Variants in DYNC1I1 observed in about 807,000 individuals in gnomAD.
The protein encoded by DYNC1I1 is dynein cytoplasmic 1 intermediate chain 1, also known as cytoplasmic dynein 1 intermediate chain 1.
A neutral mutation model predicts 86.6 loss-of-function variants in DYNC1I1; 43 were observed. The ratio of observed to expected loss-of-function variants is 0.50; its 90% CI spans 0.39 to 0.64. The LOEUF (loss-of-function observed/expected upper bound fraction) is 0.64, where lower values mean the gene tolerates loss of function less well. Among genes scored for constraint, DYNC1I1 ranks in the 30% least tolerant of loss-of-function variants. The pLI, the probability that DYNC1I1 is intolerant of heterozygous loss-of-function variation, is 0.00. For synonymous variants in DYNC1I1, 262 were observed against 283.7 expected, an observed-to-expected ratio of 0.92 and a Z score of 0.77; for missense variants, 604 against 788.8, an observed-to-expected ratio of 0.77 and a Z score of 2.81.
At chr7:96,012,452 A>G (rs1794298788) in intron 10 of DYNC1I1, among the ~76,000 whole-genome samples, 1 of 152,178 alleles carries the variant, frequency 6.6e-6, no homozygotes, top group African/African-American at 2.4e-5. Flanking sequence ...TTCTGCCTGG[A>G]ACTTTAGCTG....
intron 6 of DYNC1I1, among the ~76,000 whole-genome samples, chr7:95,959,018 G>C (rs931340581): frequency 6.6e-6 from 1 of 152,196 alleles, no homozygotes; most frequent in Non-Finnish European, 1.5e-5. Flanking sequence ...TAAATGTTCT[G>C]GGGAGGTAAA....
chr7:96,026,275 T>C (rs1404783946), intron 10 of DYNC1I1, among the ~76,000 whole-genome samples: 2 of 152,130 alleles, frequency 1.3e-5, no homozygotes, highest in African/African-American at 4.8e-5. Context: ...TCTACATTCT[T>C]TATTCTCCCT....
At chr7:95,835,896 A>T (rs1212802291) in intron 5 of DYNC1I1, among the ~76,000 whole-genome samples, 1 of 152,178 alleles carries the variant, frequency 6.6e-6, no homozygotes. Flanking sequence ...TCCTGAATAC[A>T]GCACACTGAT....
At chr7:96,078,109 TA>T (rs1396127609) in intron 15 of DYNC1I1, among the ~76,000 whole-genome samples, 1 of 152,146 alleles carries the variant, frequency 6.6e-6, no homozygotes. Context: ...TTAGATTTCT[TA>T]AAAAAATCTG....
chr7:95,942,020 G>T (rs924200556), intron 6 of DYNC1I1, among the ~76,000 whole-genome samples: 8 of 152,052 alleles, frequency 5.3e-5, no homozygotes, highest in African/African-American at 9.7e-5. Context: ...ATAACTAAAA[G>T]CAGAGCAGAA....
chr7:95,946,176 C>T (rs1792394462), intron 6 of DYNC1I1, among the ~76,000 whole-genome samples: 1 of 151,850 alleles, frequency 6.6e-6, no homozygotes, highest in Non-Finnish European at 1.5e-5. Context: ...GGGAGAGCAT[C>T]AGGATAAATA....
At chr7:95,833,287 C>T (rs1262011002) in intron 5 of DYNC1I1, among the ~76,000 whole-genome samples, 10 of 145,246 alleles carry the variant, frequency 6.9e-5, no homozygotes, top group Middle Eastern at 3.6e-3. Context: ...TGTAGATATG[C>T]GGCATTATTT....
chr7:96,091,660 A>G (rs1790851279), intron 16 of DYNC1I1, among the ~76,000 whole-genome samples: 1 of 152,238 alleles, frequency 6.6e-6, no homozygotes, highest in Non-Finnish European at 1.5e-5. Flanking sequence ...TAATGCAGCT[A>G]TTTAAAATTA....
At chr7:95,878,363 C>A (rs1189709644) in intron 6 of DYNC1I1, among the ~76,000 whole-genome samples, 1 of 151,548 alleles carries the variant, frequency 6.6e-6, no homozygotes, top group Non-Finnish European at 1.5e-5. Flanking sequence ...TAGAGAATGT[C>A]AACACAGAGC....
At chr7:96,032,083 A>T (rs896783190) in intron 11 of DYNC1I1, among the ~76,000 whole-genome samples, 3 of 152,154 alleles carry the variant, frequency 2.0e-5, no homozygotes, top group Admixed American at 2.0e-4. Flanking sequence ...GCAGTAACAT[A>T]GAAGAACCTA....
At chr7:95,997,582 CTTGT>C (rs1206796959) in intron 10 of DYNC1I1, among the ~76,000 whole-genome samples, 263 of 117,182 alleles carry the variant, frequency 2.2e-3, no homozygotes, top group East Asian at 0.01. Context: ...AAAGGGCATT[CTTGT>C]GTGTGTGTGT....
intron 3 of DYNC1I1, among the ~76,000 whole-genome samples, chr7:95,810,716 T>C (rs532789204): frequency 6.6e-6 from 1 of 152,142 alleles, no homozygotes; most frequent in African/African-American, 2.4e-5. Flanking sequence ...GTCAGTAGTT[T>C]GGGGCTTACT....
chr7:95,822,175 A>G (rs1795090073), intron 4 of DYNC1I1, among the ~76,000 whole-genome samples: 1 of 152,198 alleles, frequency 6.6e-6, no homozygotes, highest in South Asian at 2.1e-4. Flanking sequence ...GATATTTTAA[A>G]ATTTTCACTT....
intron 16 of DYNC1I1, among the ~76,000 whole-genome samples, chr7:96,084,876 T>A (rs1790633317): frequency 6.6e-6 from 1 of 152,200 alleles, no homozygotes; most frequent in Non-Finnish European, 1.5e-5. Flanking sequence ...TAATTTTGCC[T>A]GAAAATATAT....
chr7:96,041,816 C>A, intron 14 of DYNC1I1, among the ~76,000 whole-genome samples: 1 of 151,636 alleles, frequency 6.6e-6, no homozygotes, highest in East Asian at 1.9e-4. Context: ...AGACAGGAAG[C>A]TAAAAGAAAA....
intron 5 of DYNC1I1, among the ~76,000 whole-genome samples, chr7:95,837,056 G>A (rs1320252956): frequency 4.0e-5 from 6 of 151,662 alleles, no homozygotes; most frequent in African/African-American, 1.2e-4. Context: ...GCTTTTTAGA[G>A]TTTCCAGTTT....
At chr7:95,858,986 T>C (rs1789803009) in intron 5 of DYNC1I1, among the ~76,000 whole-genome samples, 1 of 147,184 alleles carries the variant, frequency 6.8e-6, no homozygotes, top group African/African-American at 2.5e-5. Context: ...AAGATATTAA[T>C]GTATTTATTA....
intron 6 of DYNC1I1, among the ~76,000 whole-genome samples, chr7:95,887,735 T>C (rs1790632486): frequency 6.6e-6 from 1 of 152,178 alleles, no homozygotes; most frequent in Non-Finnish European, 1.5e-5. Context: ...GATGCTTGAA[T>C]TGAGTTCAAG....
chr7:95,836,381 C>G (rs1469090036), intron 5 of DYNC1I1, among the ~76,000 whole-genome samples: 11 of 151,840 alleles, frequency 7.2e-5, no homozygotes, highest in Non-Finnish European at 1.5e-4. Flanking sequence ...CCCGACCTTT[C>G]TCTCTGGCTG....
Sources: gnomAD v4.1 joint callset for allele counts (sites outside exome capture counted in the v4.1 genomes callset) on GRCh38, gnomAD v4.1.1 for gene constraint, MANE v1.5 for transcripts, NCBI Gene and HGNC (gene_info 2026-07-23, HGNC 2026-07-21) for gene names.